Variants in RAPGEF2 observed in about 807,000 individuals in gnomAD.
The protein encoded by RAPGEF2 is PDZ domain containing guanine nucleotide exchange factor (GEF) 1.
A neutral mutation model predicts 186.7 loss-of-function variants in RAPGEF2; 54 were observed. That is an observed-to-expected ratio of 0.29 (90% CI 0.23 to 0.36). The LOEUF is 0.36. RAPGEF2 is among the 10% of genes least tolerant of loss of function. The pLI, the probability that RAPGEF2 is intolerant of heterozygous loss-of-function variation, is 1.00. For synonymous variants in RAPGEF2, 712 were observed against 705.9 expected (o/e 1.01, Z -0.14); for missense variants, 1,532 against 2,045.0 (o/e 0.75, Z 4.84).
At chr4:159,151,744 T>C (rs565064672) in intron 1 of RAPGEF2, among the ~76,000 whole-genome samples, 2 of 152,224 alleles carry the variant, frequency 1.3e-5, no homozygotes, top group South Asian at 4.1e-4. Context: ...TTGTGGCTTT[T>C]TGTGTAAGTG....
chr4:159,229,278 C>G (rs1752364043), intron 4 of RAPGEF2: 1 of 152,152 alleles, frequency 6.6e-6, no homozygotes, highest in Non-Finnish European at 1.5e-5. Context: ...CTGAGAATTG[C>G]ATTCCACTGG....
rs1313406510 is a variant in RAPGEF2 at position 159,212,496 on chromosome 4, T to C, written c.281+1913T>C. Among the ~76,000 whole-genome samples the C allele has an allele frequency of 3.9e-5, 6 of 152,342 alleles. No individual in the cohort carries two copies. In the South Asian group the frequency reaches 1.0e-3, roughly 26 times the overall value. ...AATAGTATTTTTTTCTCTACACTTATATGCTTGTATTTAAGATCATGCTTT... is the reference window on the plus strand; with the variant it reads ...AATAGTATTTTTTTCTCTACACTTACATGCTTGTATTTAAGATCATGCTTT... On this transcript the variant is annotated intron_variant, in intron 4 of 29. Coordinates refer to ENST00000691494, the MANE Select transcript of RAPGEF2 (RefSeq NM_001394067.2).
chr4:159,149,171 A>G (rs1438907884), intron 1 of RAPGEF2, among the ~76,000 whole-genome samples: 3 of 152,248 alleles, frequency 2.0e-5, no homozygotes, highest in Non-Finnish European at 2.9e-5. Context: ...TAAAGCTGAA[A>G]TATTTATTCA....
intron 1 of RAPGEF2, among the ~76,000 whole-genome samples, chr4:159,124,098 GC>G (rs1740022267): frequency 6.6e-6 from 1 of 151,042 alleles, no homozygotes; most frequent in South Asian, 2.1e-4. Context: ...CAGGTGATCT[GC>G]CTGCCTCCAT....
At chr4:159,138,959 A>T (rs1242810923) in intron 1 of RAPGEF2, among the ~76,000 whole-genome samples, 1 of 152,234 alleles carries the variant, frequency 6.6e-6, no homozygotes, top group African/African-American at 2.4e-5. Context: ...CAGAAGGATG[A>T]TGTAAATTTT....
At chr4:159,256,922 C>T (rs548320070) in intron 7 of RAPGEF2, among the ~76,000 whole-genome samples, 3 of 151,704 alleles carry the variant, frequency 2.0e-5, no homozygotes, top group South Asian at 2.1e-4. Flanking sequence ...TTTTGTTTCT[C>T]GTAGACTCTG....
intron 3 of RAPGEF2, among the ~76,000 whole-genome samples, chr4:159,205,620 T>TC (rs1268780827): frequency 2.0e-5 from 3 of 152,214 alleles, no homozygotes; most frequent in African/African-American, 7.2e-5. Flanking sequence ...TATGCTGTTC[T>TC]CATGATAGTG....
At chr4:159,316,271 A>AAG (rs1450792387) in intron 9 of RAPGEF2, among the ~76,000 whole-genome samples, 2 of 152,160 alleles carry the variant, frequency 1.3e-5, no homozygotes, top group Non-Finnish European at 2.9e-5. Context: ...TATTGGAATA[A>AAG]AGAGTAAGTA....
intron 4 of RAPGEF2, among the ~76,000 whole-genome samples, chr4:159,230,305 C>T (rs987925190): frequency 3.9e-5 from 6 of 152,108 alleles, no homozygotes; most frequent in Non-Finnish European, 5.9e-5. Flanking sequence ...AACTGTTAAC[C>T]TACATCTTTC....
At chr4:159,241,499 T>C (rs2111477334) in intron 6 of RAPGEF2, 131 bp downstream of exon 6, 1 of 311,602 alleles carries the variant, frequency 3.2e-6, no homozygotes, top group Non-Finnish European at 5.5e-6. Context: ...TTAAGTATAC[T>C]TAAATATTTA....
intron 13 of RAPGEF2, among the ~76,000 whole-genome samples, 199 bp from the exon 14 acceptor site, chr4:159,331,232 C>G (rs894612715): frequency 6.6e-6 from 1 of 152,120 alleles, no homozygotes; most frequent in African/African-American, 2.4e-5. Context: ...CCTGGCAAAG[C>G]AACATGAAGT....
intron 7 of RAPGEF2, among the ~76,000 whole-genome samples, chr4:159,270,032 T>C (rs1297187306): frequency 1.3e-5 from 2 of 152,180 alleles, no homozygotes; most frequent in East Asian, 3.9e-4. Context: ...TTTAGAGTGA[T>C]ATTAGACTAA....
At chr4:159,328,360 TATC>T (rs1041280372) in intron 11 of RAPGEF2, 20 of 152,146 alleles carry the variant, frequency 1.3e-4, no homozygotes, top group African/African-American at 4.6e-4. Flanking sequence ...AAAAATGTAA[TATC>T]AGAGCTCTAA....
rs151262619 is a variant in RAPGEF2 at position 159,346,407 on chromosome 4, A to G, written c.3503-382A>G. 2.6e-3 allele frequency among the ~76,000 whole-genome samples: 395 copies of G among 152,320 alleles called. 2 individuals are homozygous for G. Among genetic ancestry groups the G allele is most frequent in the African/African-American group, 9.0e-3 (373 of 41,574 alleles). ...GCACATACATGTCAAACAATTTGGG[A>G]CACCGTTTTAGAAAAATAGTGCCTG... On this transcript the variant is annotated intron_variant, in intron 24 of 29. Coordinates refer to ENST00000691494, the MANE Select transcript of RAPGEF2 (RefSeq NM_001394067.2).
intron 7 of RAPGEF2, among the ~76,000 whole-genome samples, chr4:159,281,134 GGCAC>G (rs1240184168): frequency 6.6e-6 from 1 of 151,914 alleles, no homozygotes; most frequent in African/African-American, 2.4e-5. Flanking sequence ...TGGGACTACA[GGCAC>G]GCACTACCAC....
intron 4 of RAPGEF2, among the ~76,000 whole-genome samples, chr4:159,225,424 T>C (rs74981742): frequency 6.6e-6 from 1 of 152,230 alleles, no homozygotes; most frequent in South Asian, 2.1e-4. Context: ...GTTGCTTTCA[T>C]ATTTTGGCTT....
At chr4:159,198,240 CTTT>C (rs1748897843) in intron 3 of RAPGEF2, among the ~76,000 whole-genome samples, 1 of 126,504 alleles carries the variant, frequency 7.9e-6, no homozygotes. Flanking sequence ...TCTTTTCTTT[CTTT>C]CTTCCTTTCT....
At chr4:159,204,154 A>G (rs1749730611) in intron 3 of RAPGEF2, among the ~76,000 whole-genome samples, 1 of 152,258 alleles carries the variant, frequency 6.6e-6, no homozygotes. Context: ...CTTGAAAGGA[A>G]GTTCATTGTA....
chr4:159,310,073 GA>G (rs1214715182), intron 8 of RAPGEF2, among the ~76,000 whole-genome samples: 1 of 151,446 alleles, frequency 6.6e-6, no homozygotes, highest in Non-Finnish European at 1.5e-5. Context: ...ACACAAATAA[GA>G]AAAATACTCA....
Sources: allele counts gnomAD v4.1 joint callset (sites outside exome capture counted in the v4.1 genomes callset), GRCh38; gene constraint gnomAD v4.1.1; transcripts MANE v1.5; gene names NCBI Gene and HGNC (gene_info 2026-07-23, HGNC 2026-07-21).